The following PEX7 variants were observed in gnomAD, a reference collection of about 807,000 sequenced individuals.
PEX7 encodes PTS2 receptor.
PEX7 carries 34 observed loss-of-function variants against 47.5 expected under a neutral mutation model. The observed-to-expected ratio is 0.72, with a 90% CI of 0.54 to 0.95. The LOEUF (loss-of-function observed/expected upper bound fraction) is 0.95. Among genes scored for constraint, PEX7 ranks in the 40% least tolerant of loss-of-function variants. PEX7 has a pLI of 0.00. For synonymous variants in PEX7, 141 were observed against 148.8 expected (o/e 0.95, Z 0.38); for missense variants, 394 against 400.3 (o/e 0.98, Z 0.13).
chr6:136,846,000 G>A (rs1774591739), intron 4 of PEX7, 73 bp from the exon 5 acceptor site: 1 of 814,788 alleles, frequency 1.2e-6, no homozygotes, highest in African/African-American at 1.7e-5. Context: ...TAGTTTATTG[G>A]TGTATGTAGT....
chr6:136,822,858 C>T, intron 1 of PEX7, 63 bp downstream of exon 1: 1 of 1,228,628 alleles, frequency 8.1e-7, no homozygotes, highest in Non-Finnish European at 1.0e-6. Flanking sequence ...CAGCCGGGCT[C>T]CAGTTCCTCG....
rs780173842 is a variant in PEX7 at position 136,869,916 on chromosome 6, C to G, written c.660C>G (p.Asp220Glu). The change falls in exon 7 of 10, where the codon GAC becomes GAG. Residue 220 changes from aspartate to glutamate, a missense_variant. By Grantham distance (45) the Asp-to-Glu change is conservative. Coordinates refer to ENST00000318471, the MANE Select transcript of PEX7 (RefSeq NM_000288.4). ...NENLLVTGAV[D>E]CSLRGWDLRN... ...ATTTGCTGGTGACCGGGGCGGTTGA[C>G]TGTAGTTTGAGAGGCTGGGACTTAA... The G allele has an allele frequency of 6.2e-7, 1 of 1,614,038 alleles. No homozygotes were observed. Among genetic ancestry groups the G allele is most frequent in the East Asian group, 2.2e-5 (1 of 44,858 alleles).
intron 5 of PEX7, among the ~76,000 whole-genome samples, chr6:136,846,775 G>GTTAT (rs1554331658): frequency 6.6e-6 from 1 of 152,140 alleles, no homozygotes; most frequent in African/African-American, 2.4e-5. Flanking sequence ...CCAAGTCTTT[G>GTTAT]TTATTGTGCA....
chr6:136,864,818 G>A (rs1207570903), intron 5 of PEX7, among the ~76,000 whole-genome samples: 2 of 152,150 alleles, frequency 1.3e-5, no homozygotes, highest in East Asian at 3.8e-4. Flanking sequence ...GGCATTCTGT[G>A]TCTCCTTTAG....
intron 3 of PEX7, among the ~76,000 whole-genome samples, chr6:136,832,234 G>A (rs1411676720): frequency 1.3e-5 from 2 of 152,224 alleles, no homozygotes; most frequent in Admixed American, 1.3e-4. Flanking sequence ...CAAGGTTTAG[G>A]GCTTGCACCC....
At chr6:136,858,150 C>T (rs937565340) in intron 5 of PEX7, among the ~76,000 whole-genome samples, 12 of 152,086 alleles carry the variant, frequency 7.9e-5, no homozygotes, top group Non-Finnish European at 1.8e-4. Context: ...ACACGTGTGC[C>T]CAGAATTCTG....
chr6:136,849,739 C>T (rs920508753), intron 5 of PEX7, among the ~76,000 whole-genome samples: 9 of 152,086 alleles, frequency 5.9e-5, no homozygotes, highest in South Asian at 2.1e-4. Flanking sequence ...AATTTCTGTT[C>T]GTTTACATTT....
At chr6:136,826,947 G>C (rs921664984) in intron 3 of PEX7, among the ~76,000 whole-genome samples, 3 of 152,176 alleles carry the variant, frequency 2.0e-5, no homozygotes, top group Admixed American at 1.3e-4. Context: ...TCTAAATCTG[G>C]TTCATGTGTC....
chr6:136,839,809 C>G (rs762819200), intron 3 of PEX7, among the ~76,000 whole-genome samples: 1 of 152,194 alleles, frequency 6.6e-6, no homozygotes, highest in Non-Finnish European at 1.5e-5. Flanking sequence ...CTGTACCAGG[C>G]TAGCTGGGAA....
At chr6:136,901,605 G>C (rs1775755492) in intron 9 of PEX7, 1 of 152,316 alleles carries the variant, frequency 6.6e-6, no homozygotes, top group Non-Finnish European at 1.5e-5. Flanking sequence ...GTCATCTTGA[G>C]AATTGGACTT....
intron 8 of PEX7, among the ~76,000 whole-genome samples, chr6:136,881,346 G>T (rs2115246533): frequency 6.6e-6 from 1 of 152,230 alleles, no homozygotes; most frequent in Middle Eastern, 3.4e-3. Context: ...AGAGAACTTG[G>T]AATCTTCTCT....
chr6:136,895,051 C>G (rs866049993), intron 8 of PEX7, among the ~76,000 whole-genome samples: 1 of 152,132 alleles, frequency 6.6e-6, no homozygotes, highest in South Asian at 2.1e-4. Context: ...CAAGGAGAGA[C>G]CATGCCCACT....
At chr6:136,829,356 G>A (rs2093167) in intron 3 of PEX7, among the ~76,000 whole-genome samples, 106,064 of 152,076 alleles carry the variant, frequency 0.7, 38,365 homozygotes, top group African/African-American at 0.91. Context: ...AAAGACTACT[G>A]CTGTCTTTTC....
At chr6:136,866,026 T>C (rs902958535) in intron 5 of PEX7, among the ~76,000 whole-genome samples, 4 of 152,028 alleles carry the variant, frequency 2.6e-5, no homozygotes, top group Non-Finnish European at 4.4e-5. Flanking sequence ...GAGATTACAG[T>C]GAGCCGATAT....
chr6:136,853,156 A>C (rs1041313722), intron 5 of PEX7, among the ~76,000 whole-genome samples: 1 of 152,354 alleles, frequency 6.6e-6, no homozygotes, highest in Admixed American at 6.5e-5. Flanking sequence ...GGATGCAGCT[A>C]CGCCCGTTTA....
chr6:136,826,244 ATTG>A, intron 2 of PEX7, 72 bp from the exon 3 acceptor site: 4 of 1,504,716 alleles, frequency 2.7e-6, no homozygotes, highest in Non-Finnish European at 3.7e-6. Flanking sequence ...AAAAACCATA[ATTG>A]TTATTTTTTT....
intron 5 of PEX7, among the ~76,000 whole-genome samples, chr6:136,856,072 C>T (rs1774857050): frequency 6.6e-6 from 1 of 152,076 alleles, no homozygotes; most frequent in African/African-American, 2.4e-5. Context: ...GACTGAATAA[C>T]AGAAGATGAA....
chr6:136,898,372 T>C (rs1163334011), intron 9 of PEX7, 131 bp downstream of exon 9: 1 of 700,890 alleles, frequency 1.4e-6, no homozygotes, highest in East Asian at 2.7e-5. Flanking sequence ...AGCATTAAAC[T>C]ACTAGGGAAT....
At chr6:136,876,239 G>A (rs939889263) in intron 8 of PEX7, among the ~76,000 whole-genome samples, 2 of 151,672 alleles carry the variant, frequency 1.3e-5, no homozygotes, top group Admixed American at 6.6e-5. Context: ...GGGTTTCACC[G>A]TGTTAGCCAG....
Sources: allele counts gnomAD v4.1 joint callset (sites outside exome capture counted in the v4.1 genomes callset), GRCh38; gene constraint gnomAD v4.1.1; transcripts MANE v1.5; gene names NCBI Gene and HGNC (gene_info 2026-07-23, HGNC 2026-07-21).